Variants in JAKMIP1 observed in about 807,000 individuals in gnomAD.
JAKMIP1 encodes janus kinase and microtubule-interacting protein 1.
A neutral mutation model predicts 113.0 loss-of-function variants in JAKMIP1; 33 were observed. The ratio of observed to expected loss-of-function variants is 0.29; its 90% CI spans 0.22 to 0.39. The LOEUF is 0.39. Among genes scored for constraint, JAKMIP1 ranks in the 10% least tolerant of loss-of-function variants. The pLI, the probability that JAKMIP1 is intolerant of heterozygous loss-of-function variation, is 1.00. For missense variants in JAKMIP1, 813 were observed against 1,080.5 expected, an observed-to-expected ratio of 0.75 and a Z score of 3.47; for synonymous variants, 480 against 459.9, an observed-to-expected ratio of 1.04 and a Z score of -0.56.
chr4:6,092,445 C>T (rs180945614), intron 3 of JAKMIP1, among the ~76,000 whole-genome samples: 1 of 152,394 alleles, frequency 6.6e-6, no homozygotes, highest in East Asian at 1.9e-4. Context: ...AGGCTCCCCT[C>T]CCCATGGCCA....
Position 6,088,479 on chromosome 4 carries a change from A to G in JAKMIP1, c.625-2850T>C, listed in dbSNP as rs1721607251. Among the ~76,000 whole-genome samples the G allele has an allele frequency of 6.6e-6, 1 of 152,202 alleles. No individual in the cohort carries two copies. Among genetic ancestry groups the G allele is most frequent in the African/African-American group, 2.4e-5 (1 of 41,450 alleles). ...CGAGCAAGACATCTCCAGGATCCCA[A>G]ATTCTCCACCTGGAAGAGCACCAAT... On this transcript the variant is annotated intron_variant, in intron 3 of 20. Coordinates refer to ENST00000409021, the MANE Select transcript of JAKMIP1 (RefSeq NM_001099433.2). The surrounding 1 kb of genome is among the most constrained non-coding windows in gnomAD (Gnocchi z 5.5).
In JAKMIP1 at chr4:6,067,393, G is replaced by C. The variant is rs186533791; in HGVS notation, c.1303-2385C>G. On this transcript the variant is annotated intron_variant, in intron 8 of 20. Transcript: ENST00000409021. The surrounding 1 kb of genome is among the most constrained non-coding windows in gnomAD (Gnocchi z 4.6). ...ATTGGCAGGTACGTGAAGACTATGG[G>C]CACCATCAACTTCAATGTCATTTCT... Among the ~76,000 whole-genome samples, 1 of 152,276 alleles carries C rather than the reference G, an allele frequency of 6.6e-6. No individual in the cohort carries two copies. The highest frequency in any genetic ancestry group is 2.4e-5 in the African/African-American group (1 of 41,536).
In JAKMIP1 at chr4:6,158,514, T is replaced by C. The variant is rs558555836; in HGVS notation, c.-148+41739A>G. ...TAAAATAAAGGGCTGGGGCTTGGGT[T>C]TGAAGTCACAGGTGGAACATGATTC... is the stretch of plus-strand genomic sequence containing the variant. On this transcript the variant is annotated intron_variant, in intron 1 of 20. Coordinates refer to ENST00000409021, the MANE Select transcript of JAKMIP1 (RefSeq NM_001099433.2). This position sits in a 1 kb window ranked among gnomAD's most constrained non-coding sequence, Gnocchi z 5.3. Among the ~76,000 whole-genome samples, 1 of 152,060 alleles carries C rather than the reference T, an allele frequency of 6.6e-6. No homozygotes were observed. The highest frequency in any genetic ancestry group is 2.4e-5 in the African/African-American group (1 of 41,402).
chr4:6,122,824 T>C (rs1454479519), intron 1 of JAKMIP1, among the ~76,000 whole-genome samples: 1 of 152,158 alleles, frequency 6.6e-6, no homozygotes, highest in African/African-American at 2.4e-5. Flanking sequence ...TGCCACTTAC[T>C]AGCTGTGTGA....
intron 8 of JAKMIP1, among the ~76,000 whole-genome samples, chr4:6,078,249 A>G (rs1719965875): frequency 6.6e-6 from 1 of 150,992 alleles, no homozygotes; most frequent in African/African-American, 2.4e-5. Context: ...TGGGTGGTGG[A>G]GTTTGCAGTG....
Position 6,106,353 on chromosome 4 carries a change from G to C in JAKMIP1, c.130-386C>G, listed in dbSNP as rs144192169. ...AATATATTTCCAGGGCCCCATGCGC[G>C]GACTGTGGAGTTGGAAAAGACAGAC... On this transcript the variant is annotated intron_variant, in intron 2 of 20. Coordinates refer to ENST00000409021, the MANE Select transcript of JAKMIP1 (RefSeq NM_001099433.2). The surrounding 1 kb of genome is among the most constrained non-coding windows in gnomAD (Gnocchi z 5.9). Among the ~76,000 whole-genome samples the C allele has an allele frequency of 2.5e-4, 38 of 151,982 alleles. No individual in the cohort carries two copies. Among genetic ancestry groups the C allele is most frequent in the African/African-American group, 8.0e-4 (33 of 41,416 alleles).
intron 8 of JAKMIP1, among the ~76,000 whole-genome samples, chr4:6,075,500 G>GA (rs1194595365): frequency 1.3e-5 from 2 of 152,022 alleles, no homozygotes; most frequent in African/African-American, 4.8e-5. Flanking sequence ...TGAATCTTGA[G>GA]AAAAAGAAAA....
rs1027260052 is a variant in JAKMIP1 at position 6,187,893 on chromosome 4, T to G, written c.-148+12360A>C. 2.0e-5 allele frequency among the ~76,000 whole-genome samples: 3 copies of G among 152,244 alleles called. No homozygotes were observed. The highest frequency in any genetic ancestry group is 4.8e-5 in the African/African-American group (2 of 41,466). ...CTTCCATTTTATTTTGTTTTCAATA[T>G]GCCTCACGTCATTTTTGCTCCTTTA... is the stretch of plus-strand genomic sequence containing the variant. On this transcript the variant is annotated intron_variant, in intron 1 of 20. Transcript: ENST00000409021. The surrounding 1 kb of genome is among the most constrained non-coding windows in gnomAD (Gnocchi z 4.2).
intron 1 of JAKMIP1, among the ~76,000 whole-genome samples, chr4:6,121,834 A>C (rs2108910053): frequency 6.6e-6 from 1 of 152,356 alleles, no homozygotes; most frequent in African/African-American, 2.4e-5. Context: ...TTTCAGCCCA[A>C]ACAAAAGCCA....
rs534179112 is a variant in JAKMIP1 at position 6,076,006 on chromosome 4, G to A, written c.1302+2933C>T. Among the ~76,000 whole-genome samples the A allele has an allele frequency of 4.6e-5, 7 of 152,142 alleles. No individual in the cohort carries two copies. Among genetic ancestry groups the A allele is most frequent in the Admixed American group, 1.3e-4 (2 of 15,278 alleles). On this transcript the variant is annotated intron_variant, in intron 8 of 20. Transcript: ENST00000409021. This position sits in a 1 kb window ranked among gnomAD's most constrained non-coding sequence, Gnocchi z 4.8. ...AGCCTGGCCAACATGGTGAAACCCC[G>A]TCTCTACTAAAAATACAAAATTAGC...
At chr4:6,170,191 CACT>C (rs1724262917) in intron 1 of JAKMIP1, among the ~76,000 whole-genome samples, 1 of 150,064 alleles carries the variant, frequency 6.7e-6, no homozygotes, top group South Asian at 2.1e-4. Flanking sequence ...CCATCACCAT[CACT>C]ACCACCATCA....
chr4:6,051,417 T>C lies in JAKMIP1; in HGVS notation c.1807-738A>G, dbSNP rs978068982. Reference sequence around the variant, plus strand: ...TTGTATTTAGATTTTGTTTCTTTTTTAGTAGAGACGGGGTTTCACCATGTT... The same window carrying C: ...TTGTATTTAGATTTTGTTTCTTTTTCAGTAGAGACGGGGTTTCACCATGTT... On this transcript the variant is annotated intron_variant, in intron 13 of 20. Transcript: ENST00000409021. The surrounding 1 kb of genome is among the most constrained non-coding windows in gnomAD (Gnocchi z 5.0). Among the ~76,000 whole-genome samples, 1 of 152,152 alleles carries C rather than the reference T, an allele frequency of 6.6e-6. No homozygotes were observed. The highest frequency in any genetic ancestry group is 2.4e-5 in the African/African-American group (1 of 41,432).
At chr4:6,098,016 T>A (rs1205771025) in intron 3 of JAKMIP1, among the ~76,000 whole-genome samples, 1 of 152,218 alleles carries the variant, frequency 6.6e-6, no homozygotes, top group Admixed American at 6.5e-5. Flanking sequence ...AACAAAAGTG[T>A]AGTGTCGAGT....
chr4:6,125,252 A>C (rs953733604), intron 1 of JAKMIP1, among the ~76,000 whole-genome samples: 3 of 152,052 alleles, frequency 2.0e-5, no homozygotes, highest in Non-Finnish European at 4.4e-5. Flanking sequence ...TTATGTCATC[A>C]GCACTGCAGC....
chr4:6,193,203 G>A lies in JAKMIP1; in HGVS notation c.-148+7050C>T, dbSNP rs1727469645. 6.6e-6 allele frequency among the ~76,000 whole-genome samples: 1 copy of A among 152,222 alleles called. No individual in the cohort carries two copies. Among genetic ancestry groups the A allele is most frequent in the Non-Finnish European group, 1.5e-5 (1 of 68,046 alleles). On this transcript the variant is annotated intron_variant, in intron 1 of 20. Transcript: ENST00000409021. This position sits in a 1 kb window ranked among gnomAD's most constrained non-coding sequence, Gnocchi z 6.4. Reference sequence around the variant, plus strand: ...CTTTTGGACTCTTGGACCTACACCAGTGGTTTGCCAGGGGCTCTAAGGCCT... The same window carrying A: ...CTTTTGGACTCTTGGACCTACACCAATGGTTTGCCAGGGGCTCTAAGGCCT...
At chr4:6,075,199 A>G (rs907535891) in intron 8 of JAKMIP1, among the ~76,000 whole-genome samples, 12 of 152,136 alleles carry the variant, frequency 7.9e-5, no homozygotes, top group Admixed American at 3.3e-4. Context: ...AAAAGTCTGT[A>G]TATGTTCAGT....
rs1478512834 is a variant in JAKMIP1, at chr4:6,031,466, C to G, written c.2380-1685G>C. ...GAGGGGTGAGGTATCGTGCCGTGGG[C>G]TGGAGGAGACGTGGAACCCAGCAGG... On this transcript the variant is annotated intron_variant, in intron 19 of 20. Coordinates refer to ENST00000409021, the MANE Select transcript of JAKMIP1 (RefSeq NM_001099433.2). This position sits in a 1 kb window ranked among gnomAD's most constrained non-coding sequence, Gnocchi z 4.4. Among the ~76,000 whole-genome samples, 6 of 152,042 alleles carry G rather than the reference C, an allele frequency of 3.9e-5. No homozygotes were observed. The highest frequency in any genetic ancestry group is 8.8e-5 in the Non-Finnish European group (6 of 68,016).
At position 6,125,598 on chromosome 4, in the gene JAKMIP1, AACACACAC is replaced by A. The variant is rs111906803; in HGVS notation, c.-147-12609_-147-12602del. 5.4e-5 allele frequency among the ~76,000 whole-genome samples: 6 copies of A among 112,110 alleles called. No homozygotes were observed. The South Asian group carries it at 1.9e-3, about 35-fold the overall frequency. The allele number at this position is 112,110 out of a possible 152,430, so 73.5% of individuals were successfully genotyped here. A position where few individuals can be genotyped will look rare whatever the true frequency, so the allele number is the denominator to read the frequency against. On this transcript the variant is annotated intron_variant, in intron 1 of 20. Coordinates refer to ENST00000409021, the MANE Select transcript of JAKMIP1 (RefSeq NM_001099433.2). ...ACACACACCATACACACCATGCAGA[AACACACAC>A]ACACACACACCATACAGAAACACAC...
rs1431287770 is a variant in JAKMIP1 at position 6,105,553 on chromosome 4, C to T, written c.544G>A (p.Asp182Asn). The T allele has an allele frequency of 2.5e-6, 4 of 1,604,004 alleles. No individual in the cohort carries two copies. The highest frequency in any genetic ancestry group is 2.2e-5 in the East Asian group (1 of 44,572). ...CMQADKTKAA[D>N]LRAAYQAHQD... ...TGCGCCTGGTAGGCGGCACGCAGGT[C>T]GGCTGCCTTGGTCTTGTCAGCCTGC... The change falls in exon 3 of 21, where the codon GAC becomes AAC. Residue 182 changes from aspartate to asparagine, a missense_variant. Transcript: ENST00000409021.
Sources: allele counts gnomAD v4.1 joint callset (sites outside exome capture counted in the v4.1 genomes callset), GRCh38; gene constraint gnomAD v4.1.1; non-coding constraint Gnocchi (gnomAD v3.1); transcripts MANE v1.5; gene names NCBI Gene and HGNC (gene_info 2026-07-23, HGNC 2026-07-21).